Variants in RRP7A observed in about 807,000 individuals in gnomAD.
The protein encoded by RRP7A is ribosomal RNA processing 7 homolog A, also known as ribosomal RNA-processing protein 7 homolog A.
In RRP7A, 27 loss-of-function variants were observed where a neutral mutation model predicts 38.4. The observed-to-expected ratio is 0.70, with a 90% CI of 0.52 to 0.97. RRP7A has a LOEUF of 0.97. Ranked by LOEUF, RRP7A falls within the 50% of genes least tolerant of loss-of-function variation. The pLI, the probability that RRP7A is intolerant of heterozygous loss-of-function variation, is 0.00. For synonymous variants in RRP7A, 124 were observed against 150.3 expected, an observed-to-expected ratio of 0.83 and a Z score of 1.28; for missense variants, 327 against 375.4, an observed-to-expected ratio of 0.87 and a Z score of 1.07.
In RRP7A at chr22:42,511,986, G is replaced by T. The variant is rs1490929028; in HGVS notation, c.*924C>A. 4 of 704,356 alleles carry T rather than the reference G, an allele frequency of 5.7e-6. No homozygotes were observed. The highest frequency in any genetic ancestry group is 1.0e-5 in the Non-Finnish European group (4 of 393,164). 43.6% of individuals were successfully genotyped at this position (704,356 alleles called of 1,614,324 possible). A position where few individuals can be genotyped will look rare whatever the true frequency, so the allele number is the denominator to read the frequency against. ...GGGCTCCAAGGAGCCGAGTGTGGGG[G>T]AAACTCACTGTGGGAGGCGCTCCTG... On this transcript the variant is annotated 3_prime_UTR_variant, in exon 7 of 7. Transcript: ENST00000323013.
rs1303114841 is a variant in RRP7A, at chr22:42,518,102, A to G, written c.119T>C (p.Leu40Pro). Reference protein sequence around the residue: ...FSEKQQASHYLYVRAHGVRQG... With the variant: ...FSEKQQASHYPYVRAHGVRQG... ...TCGAACGCCGTGTGCTCTCACATAG[A>G]GGTAGTGAGAAGCCTGTTGCTTTTC... Residue 40 changes from leucine to proline, a missense_variant, in exon 2 of 7, where the codon CTC becomes CCC. Physicochemically the swap from Leu to Pro is moderately conservative, Grantham distance 98 (BLOSUM62 -3). Coordinates refer to ENST00000323013, the MANE Select transcript of RRP7A (RefSeq NM_015703.5). 1 of 1,613,760 alleles carries G rather than the reference A, an allele frequency of 6.2e-7. No individual in the cohort carries two copies. The highest frequency in any genetic ancestry group is 2.2e-5 in the East Asian group (1 of 44,872).
At position 42,509,538 on chromosome 22, in the gene RRP7A, G is replaced by A. The variant is rs1412387592; in HGVS notation, c.*3372C>T. Among the ~76,000 whole-genome samples, 1 of 149,900 alleles carries A rather than the reference G, an allele frequency of 6.7e-6. No homozygotes were observed. Among genetic ancestry groups the A allele is most frequent in the Non-Finnish European group, 1.5e-5 (1 of 67,214 alleles). On this transcript the variant is annotated 3_prime_UTR_variant, in exon 7 of 7. Transcript: ENST00000323013. ...AGTAGAGACGAGGTTTCGCCATGTTGGCCAGGCTGCTCTCCATCTCCTGAC... is the reference window on the plus strand; with the variant it reads ...AGTAGAGACGAGGTTTCGCCATGTTAGCCAGGCTGCTCTCCATCTCCTGAC...
Position 42,514,227 on chromosome 22 carries a change from C to T in RRP7A, c.636G>A (p.Arg212=), listed in dbSNP as rs1920924383. Residue 212 remains arginine, a synonymous_variant, in exon 6 of 7, where the codon CGG becomes CGA. Coordinates refer to ENST00000323013, the MANE Select transcript of RRP7A (RefSeq NM_015703.5). ...CTGCCTCAGTCCGGGGGAGCACAGG[C>T]CGCCGGCCCCGGCGGGTCACCTTCA... ...GWVKVTRRGR[R]PVLPRTEAAS... 6.2e-7 allele frequency: 1 copy of T among 1,608,506 alleles called. No individual in the cohort carries two copies. The highest frequency in any genetic ancestry group is 8.5e-7 in the Non-Finnish European group (1 of 1,178,170).
chr22:42,516,095 C>T lies in RRP7A; in HGVS notation c.258G>A (p.Gln86=). The stretch of plus-strand genomic sequence containing the variant: ...CCGGCTTCTCCTGCAACTCTACAGA[C>T]TGGACGAGGCCACAGGTGGACAGGA... ...SRLLSTCGLV[Q]SVELQEKPDL... Residue 86 remains glutamine, a synonymous_variant, in exon 3 of 7, where the codon CAG becomes CAA. Transcript: ENST00000323013. 6.2e-7 allele frequency: 1 copy of T among 1,613,862 alleles called. No individual in the cohort carries two copies. Among genetic ancestry groups the T allele is most frequent in the Non-Finnish European group, 8.5e-7 (1 of 1,179,850 alleles).
chr22:42,516,981 T>C (rs1285453823), intron 2 of RRP7A, among the ~76,000 whole-genome samples: 11 of 152,120 alleles, frequency 7.2e-5, no homozygotes, highest in Admixed American at 7.2e-4. Context: ...TGAAAACAAA[T>C]CCAGCAATTC....
chr22:42,517,920 C>A, intron 2 of RRP7A, 85 bp downstream of exon 2: 1 of 1,484,262 alleles, frequency 6.7e-7, no homozygotes, highest in Non-Finnish European at 9.2e-7. Flanking sequence ...TAGCTGTGTC[C>A]GTCTCACCAC....
Position 42,519,793 on chromosome 22 carries a change from A to C in RRP7A, c.-7T>G, listed in dbSNP as rs1444656569. On this transcript the variant is annotated 5_prime_UTR_variant, in exon 1 of 7. Transcript: ENST00000323013. Reference sequence around the variant, plus strand: ...TCCTCCTGCGCGCCACCATCTTGCCACCCGGGAGCGCGGGGGCCGCCGGGA... The same window carrying C: ...TCCTCCTGCGCGCCACCATCTTGCCCCCCGGGAGCGCGGGGGCCGCCGGGA... The C allele has an allele frequency of 2.1e-6, 3 of 1,422,790 alleles. No individual in the cohort carries two copies. Among genetic ancestry groups the C allele is most frequent in the African/African-American group, 1.5e-5 (1 of 67,042 alleles). The allele number at this position is 1,422,790 out of a possible 1,614,324, so 88.1% of individuals were successfully genotyped here.
In RRP7A at chr22:42,512,602, T is replaced by C. The variant is rs368485237; in HGVS notation, c.*308A>G. ...TTCGTTGCCAGCAAGGGCTTTTGCATTGAGGGAAAAGGAAGCACAGAACGG... is the reference window on the plus strand; with the variant it reads ...TTCGTTGCCAGCAAGGGCTTTTGCACTGAGGGAAAAGGAAGCACAGAACGG... On this transcript the variant is annotated 3_prime_UTR_variant, in exon 7 of 7. Coordinates refer to ENST00000323013, the MANE Select transcript of RRP7A (RefSeq NM_015703.5). The C allele has an allele frequency of 3.7e-6, 2 of 545,730 alleles. No individual in the cohort carries two copies. Among genetic ancestry groups the C allele is most frequent in the African/African-American group, 1.9e-5 (1 of 52,836 alleles). The allele number at this position is 545,730 out of a possible 1,614,324, so 33.8% of individuals were successfully genotyped here.
At position 42,514,362 on chromosome 22, in the gene RRP7A, C is replaced by A. The variant is rs1210895813; in HGVS notation, c.559-58G>T. ...ACCTCCTGCAGCCTCCAGCAGCGCG[C>A]CCTCCACGCCCTCCTCCCAAAGTCA... On this transcript the variant is annotated intron_variant, in intron 5 of 6. Transcript: ENST00000323013. 4.8e-6 allele frequency: 6 copies of A among 1,254,392 alleles called. 1 individual carries two copies. Among genetic ancestry groups the A allele is most frequent in the Non-Finnish European group, 5.6e-6 (5 of 896,706 alleles). 77.7% of individuals were successfully genotyped at this position (1,254,392 alleles called of 1,614,324 possible). A position where few individuals can be genotyped will look rare whatever the true frequency, so the allele number is the denominator to read the frequency against.
rs2146614260 is a variant in RRP7A at position 42,509,686 on chromosome 22, A to G, written c.*3224T>C. On this transcript the variant is annotated 3_prime_UTR_variant, in exon 7 of 7. Coordinates refer to ENST00000323013, the MANE Select transcript of RRP7A (RefSeq NM_015703.5). ...ACGAAGCACTGACATGGGCTCCAGCATGGATGAGCCTTGAAAACATCGCAC... is the reference window on the plus strand; with the variant it reads ...ACGAAGCACTGACATGGGCTCCAGCGTGGATGAGCCTTGAAAACATCGCAC... Among the ~76,000 whole-genome samples the G allele has an allele frequency of 6.6e-6, 1 of 152,102 alleles. No homozygotes were observed. The highest frequency in any genetic ancestry group is 2.1e-4 in the South Asian group (1 of 4,820).
chr22:42,514,108 T>C lies in RRP7A; in HGVS notation c.755A>G (p.Glu252Gly), dbSNP rs1421702444. 14 of 1,611,948 alleles carry C rather than the reference T, an allele frequency of 8.7e-6. No homozygotes were observed. The highest frequency in any genetic ancestry group is 1.2e-5 in the Non-Finnish European group (14 of 1,179,454). ...AGGATGGACTGGGGGTGGCTTACGC[T>C]CCATCTTGCTCTCTCGATGCTGCCA... ...YAWQHRESKM[E>G]HLAQLRKKFE... The change falls in exon 6 of 7, where the codon GAG becomes GGG. Residue 252 changes from glutamate to glycine, a missense_variant and splice_region_variant. Coordinates refer to ENST00000323013, the MANE Select transcript of RRP7A (RefSeq NM_015703.5).
At position 42,512,418 on chromosome 22, in the gene RRP7A, G is replaced by C; in HGVS notation, c.*492C>G. The C allele has an allele frequency of 6.6e-6, 4 of 607,300 alleles. No individual in the cohort carries two copies. Among genetic ancestry groups the C allele is most frequent in the Admixed American group, 6.2e-5 (2 of 32,406 alleles). 37.6% of individuals were successfully genotyped at this position (607,300 alleles called of 1,614,324 possible). A position where few individuals can be genotyped will look rare whatever the true frequency, so the allele number is the denominator to read the frequency against. On this transcript the variant is annotated 3_prime_UTR_variant, in exon 7 of 7. Transcript: ENST00000323013. ...CAACTTCAACATCTGTGACCTCAAG[G>C]GGGAGACAGAGTCTGGGTTCCAGGG...
Position 42,512,405 on chromosome 22 carries a change from C to T in RRP7A, c.*505G>A. 1.6e-6 allele frequency: 1 copy of T among 635,660 alleles called. No homozygotes were observed. Among genetic ancestry groups the T allele is most frequent in the Non-Finnish European group, 2.8e-6 (1 of 361,662 alleles). 39.4% of individuals were successfully genotyped at this position (635,660 alleles called of 1,614,324 possible). On this transcript the variant is annotated 3_prime_UTR_variant, in exon 7 of 7. Coordinates refer to ENST00000323013, the MANE Select transcript of RRP7A (RefSeq NM_015703.5). ...AGGAGCGAGATTCCAACTTCAACAT[C>T]TGTGACCTCAAGGGGGAGACAGAGT...
chr22:42,509,579 C>T lies in RRP7A; in HGVS notation c.*3331G>A, dbSNP rs2146614115. ...ATCTCCTGACCTCATGATCCGCCTG[C>T]CTCGGCCTCCCAGTGTTGGGATTAC... On this transcript the variant is annotated 3_prime_UTR_variant, in exon 7 of 7. Transcript: ENST00000323013. Among the ~76,000 whole-genome samples, 1 of 151,168 alleles carries T rather than the reference C, an allele frequency of 6.6e-6. No individual in the cohort carries two copies. Among genetic ancestry groups the T allele is most frequent in the African/African-American group, 2.4e-5 (1 of 41,348 alleles).
intron 2 of RRP7A, among the ~76,000 whole-genome samples, chr22:42,516,597 G>A (rs1224945939): frequency 2.0e-5 from 3 of 152,358 alleles, no homozygotes; most frequent in East Asian, 3.9e-4. Flanking sequence ...ACAGGCGTGA[G>A]CCACTGTGCC....
chr22:42,509,443 C>T lies in RRP7A; in HGVS notation c.*3467G>A, dbSNP rs1279151130. ...TGCCTCCTGGATTCAAACGATTCTC[C>T]TGCCTCAGCCTCCCGAGTAGCTGGG... On this transcript the variant is annotated 3_prime_UTR_variant, in exon 7 of 7. Transcript: ENST00000323013. Among the ~76,000 whole-genome samples, 1 of 150,818 alleles carries T rather than the reference C, an allele frequency of 6.6e-6. No homozygotes were observed. Among genetic ancestry groups the T allele is most frequent in the Non-Finnish European group, 1.5e-5 (1 of 67,454 alleles).
Position 42,514,720 on chromosome 22 carries a change from C to A in RRP7A, c.520G>T (p.Asp174Tyr). Residue 174 changes from aspartate (D) to tyrosine (Y), a missense_variant, in exon 5 of 7, where the codon GAC becomes TAC. Physicochemically the swap from Asp to Tyr is radical, Grantham distance 160. Coordinates refer to ENST00000323013, the MANE Select transcript of RRP7A (RefSeq NM_015703.5). ...PDPEALRVEV[D>Y]TFMEAYDQKI... ...TGGTCATATGCCTCCATGAACGTGT[C>A]CACTTCCACCCTCAGGGCCTCAGGG... The A allele has an allele frequency of 6.2e-7, 1 of 1,611,702 alleles. No individual in the cohort carries two copies. The highest frequency in any genetic ancestry group is 8.5e-7 in the Non-Finnish European group (1 of 1,178,514).
chr22:42,517,660 C>T (rs1920934318), intron 2 of RRP7A, among the ~76,000 whole-genome samples: 1 of 152,098 alleles, frequency 6.6e-6, no homozygotes, highest in Non-Finnish European at 1.5e-5. Flanking sequence ...GCCAGGACTA[C>T]CCACACATGC....
chr22:42,515,779 G>C (rs1182057669), intron 3 of RRP7A, among the ~76,000 whole-genome samples: 2 of 152,208 alleles, frequency 1.3e-5, no homozygotes, highest in Non-Finnish European at 2.9e-5. Flanking sequence ...AGCAGAGACG[G>C]TCCGTGAGCT....
Sources: gnomAD v4.1 joint callset for allele counts (sites outside exome capture counted in the v4.1 genomes callset) on GRCh38, gnomAD v4.1.1 for gene constraint, MANE v1.5 for transcripts, NCBI Gene and HGNC (gene_info 2026-07-23, HGNC 2026-07-21) for gene names.